CEP95: variants seen among roughly 807,000 people sequenced by gnomAD.
CEP95 encodes centrosomal protein of 95 kDa.
A neutral mutation model predicts 111.2 loss-of-function variants in CEP95; 98 were observed. The ratio of observed to expected loss-of-function variants is 0.88; its 90% CI spans 0.75 to 1.04. The LOEUF is 1.04. Ranked by LOEUF, CEP95 falls within the 50% of genes least tolerant of loss-of-function variation. The pLI, the probability that CEP95 is intolerant of heterozygous loss-of-function variation, is 0.00. For missense variants in CEP95, 1,027 were observed against 977.2 expected (o/e 1.05, Z -0.68); for synonymous variants, 323 against 327.1 (o/e 0.99, Z 0.14).
intron 5 of CEP95, among the ~76,000 whole-genome samples, chr17:64,517,785 C>T (rs990943947): frequency 6.6e-6 from 1 of 150,700 alleles, no homozygotes; most frequent in East Asian, 2.0e-4. Context: ...CCTCCTGCTG[C>T]AGCCTCCCAG....
intron 1 of CEP95, chr17:64,508,157 C>A: frequency 2.0e-6 from 2 of 985,378 alleles, no homozygotes; most frequent in South Asian, 9.4e-5. Flanking sequence ...ATTGGGTAAA[C>A]ACAAGACCAA....
intron 8 of CEP95, among the ~76,000 whole-genome samples, chr17:64,524,854 C>T (rs1555678733): frequency 6.6e-6 from 1 of 151,256 alleles, no homozygotes. Flanking sequence ...GCCTGTAATC[C>T]CAGCTACTCT....
At chr17:64,507,718 A>T in intron 1 of CEP95, 2 of 985,916 alleles carry the variant, frequency 2.0e-6, no homozygotes, top group Non-Finnish European at 2.4e-6. Context: ...GCTGTGAGAA[A>T]TGGGCGTGGG....
In CEP95 at chr17:64,536,930, A is replaced by G. The variant is rs972526470; in HGVS notation, c.2218-111A>G. The G allele has an allele frequency of 3.3e-6, 4 of 1,226,230 alleles. No individual in the cohort carries two copies. In the East Asian group the frequency reaches 7.6e-5, roughly 23 times the overall value. The allele number at this position is 1,226,230 out of a possible 1,614,324, so 76.0% of individuals were successfully genotyped here. On this transcript the variant is annotated intron_variant, in intron 18 of 19. Transcript: ENST00000556440. ...AAATAATACCTGACCATAGTACAGT[A>G]TATTTCCCTATTTCCATTAAAATGA...
chr17:64,529,164 G>A (rs1275833276), intron 11 of CEP95, 124 bp from the exon 12 acceptor site: 1 of 776,090 alleles, frequency 1.3e-6, no homozygotes, highest in African/African-American at 1.8e-5. Flanking sequence ...GTTAGTTACA[G>A]GAGAGAGTCC....
rs1049073662 is a variant in CEP95 at position 64,531,796 on chromosome 17, G to A, written c.1540-94G>A. 36 of 910,748 alleles carry A rather than the reference G, an allele frequency of 4.0e-5. No individual in the cohort carries two copies. In the African/African-American group the frequency reaches 4.6e-4, roughly 12 times the overall value. 56.4% of individuals were successfully genotyped at this position (910,748 alleles called of 1,614,324 possible). ...TTAGCTAAAAAACTAAAAAACTACC[G>A]TTAGCTGTTTTTGTCAGTATGTAAT... On this transcript the variant is annotated intron_variant, in intron 13 of 19. Coordinates refer to ENST00000556440, the MANE Select transcript of CEP95 (RefSeq NM_138363.3).
intron 11 of CEP95, among the ~76,000 whole-genome samples, chr17:64,527,495 G>T (rs1967909051): frequency 6.6e-6 from 1 of 152,062 alleles, no homozygotes; most frequent in Non-Finnish European, 1.5e-5. Context: ...AACCCCCTCT[G>T]CTCTCCCCAC....
chr17:64,510,144 C>A (rs782363637), intron 2 of CEP95, 29 bp from the exon 3 acceptor site: 2 of 1,385,746 alleles, frequency 1.4e-6, no homozygotes, highest in Non-Finnish European at 2.0e-6. Context: ...CTCATGGATA[C>A]AAAATTATGT....
rs530207309 is a variant in CEP95, at chr17:64,530,601, C to T, written c.1447-325C>T. On this transcript the variant is annotated intron_variant, in intron 12 of 19. Transcript: ENST00000556440. ...TTGGCTTACCTCAACCTCCGTTTCC[C>T]GGGTTCAAGCGATTCTCCTGCCTCA... Among the ~76,000 whole-genome samples, 6 of 151,224 alleles carry T rather than the reference C, an allele frequency of 4.0e-5. No homozygotes were observed. The South Asian group carries it at 1.0e-3, about 26-fold the overall frequency.
In CEP95 at chr17:64,521,532, G is replaced by T. The variant is rs782242928; in HGVS notation, c.715+5G>T. 1 of 1,607,910 alleles carries T rather than the reference G, an allele frequency of 6.2e-7. No homozygotes were observed. ...GGACATCCTTTGTTGAAGACAGTGA[G>T]TTGTAATGGATGTTAGTTCTTTACT... On this transcript the variant is annotated splice_donor_5th_base_variant and intron_variant, in intron 7 of 19. Transcript: ENST00000556440.
intron 4 of CEP95, chr17:64,515,891 A>G (rs544504073): frequency 2.3e-4 from 35 of 152,276 alleles, no homozygotes; most frequent in African/African-American, 8.2e-4. Context: ...CTGAAGAAGG[A>G]GGGGTTCGAA....
chr17:64,514,423 C>T (rs563789321), intron 4 of CEP95, 65 bp downstream of exon 4: 24 of 732,668 alleles, frequency 3.3e-5, no homozygotes, highest in African/African-American at 2.8e-4. Context: ...TGCCTTTTAT[C>T]TTTTTGTGTA....
At chr17:64,532,253 C>A in intron 14 of CEP95, 1 of 1,225,352 alleles carries the variant, frequency 8.2e-7, no homozygotes, top group East Asian at 3.5e-5. Context: ...CCAGGACTGC[C>A]ACCTGCTGCT....
rs1209101227 is a variant in CEP95 at position 64,508,507 on chromosome 17, G to T, written c.20-85G>T. The T allele has an allele frequency of 2.4e-6, 3 of 1,232,500 alleles. No individual in the cohort carries two copies. In the East Asian group the frequency reaches 9.6e-5, roughly 39 times the overall value. The allele number at this position is 1,232,500 out of a possible 1,614,324, so 76.3% of individuals were successfully genotyped here. On this transcript the variant is annotated intron_variant, in intron 1 of 19. Transcript: ENST00000556440. ...AAGTTCAGTGTCTGTTTTTGTTGGG[G>T]GGGAGGTTGTTGGATTTTTTAAATG...
Position 64,532,315 on chromosome 17 carries a change from A to G in CEP95, c.1672+293A>G, listed in dbSNP as rs115992723. On this transcript the variant is annotated intron_variant, in intron 14 of 19. Coordinates refer to ENST00000556440, the MANE Select transcript of CEP95 (RefSeq NM_138363.3). The stretch of plus-strand genomic sequence containing the variant: ...ACTCACTTTGACTGCCTTTTTGTCT[A>G]TTTCTGGGAGGTTGGTAGAATGAAA... 529 of 1,117,800 alleles carry G rather than the reference A, an allele frequency of 4.7e-4. 5 individuals are homozygous for G. The African/African-American group carries it at 7.9e-3, about 17-fold the overall frequency. 69.2% of individuals were successfully genotyped at this position (1,117,800 alleles called of 1,614,324 possible).
At position 64,510,226 on chromosome 17, in the gene CEP95, G is replaced by T. The variant is rs782135433; in HGVS notation, c.202G>T (p.Val68Leu). The T allele has an allele frequency of 6.2e-6, 10 of 1,612,344 alleles. No individual in the cohort carries two copies. The East Asian group carries it at 2.0e-4, about 32-fold the overall frequency. Residue 68 changes from valine (V) to leucine (L), a missense_variant, in exon 3 of 20, where the codon GTA becomes TTA. Coordinates refer to ENST00000556440, the MANE Select transcript of CEP95 (RefSeq NM_138363.3). ...QEDDAHNVQA[V>L]IDSLALDYLQ... Reference sequence around the variant, plus strand: ...AGATGATGCACACAATGTACAAGCAGTAATTGATTCACTGGCCTTGGACTA... The same window carrying T: ...AGATGATGCACACAATGTACAAGCATTAATTGATTCACTGGCCTTGGACTA...
chr17:64,536,595 CTG>C lies in CEP95; in HGVS notation c.2071-6_2071-5del. 1.9e-6 allele frequency: 3 copies of C among 1,587,614 alleles called. No homozygotes were observed. The highest frequency in any genetic ancestry group is 2.6e-6 in the Non-Finnish European group (3 of 1,168,138). On this transcript the variant is annotated splice_region_variant and splice_polypyrimidine_tract_variant and intron_variant, in intron 17 of 19. Coordinates refer to ENST00000556440, the MANE Select transcript of CEP95 (RefSeq NM_138363.3). ...AATGACTATTTTTACGATTAAATAA[CTG>C]ACAGATATTTAAGAAACTGTTTGAA...
chr17:64,508,859 C>T (rs1035876060), intron 2 of CEP95, 139 bp downstream of exon 2: 1 of 193,450 alleles, frequency 5.2e-6, no homozygotes, highest in South Asian at 1.7e-4. Flanking sequence ...ATATTAAATT[C>T]TATATTAATA....
Position 64,537,754 on chromosome 17 carries a change from A to G in CEP95, c.2441A>G (p.Gln814Arg). 6.2e-7 allele frequency: 1 copy of G among 1,605,226 alleles called. No homozygotes were observed. The highest frequency in any genetic ancestry group is 1.7e-4 in the Middle Eastern group (1 of 6,028). The change falls in exon 20 of 20, where the codon CAG (glutamine) becomes CGG (arginine). Residue 814 changes from glutamine to arginine, a missense_variant. By Grantham distance (43) the Gln-to-Arg change is conservative. Transcript: ENST00000556440. ...TCTCGGCTTCAGCTGGCTTCCTTTC[A>G]GTACAGTAAAAGTCCCTCCCTATGA... ...FRSRLQLASF[Q>R]YSKSPSL is the part of the protein sequence containing the mutation.
Sources: gnomAD v4.1 joint callset for allele counts (sites outside exome capture counted in the v4.1 genomes callset) on GRCh38, gnomAD v4.1.1 for gene constraint, MANE v1.5 for transcripts, NCBI Gene and HGNC (gene_info 2026-07-23, HGNC 2026-07-21) for gene names.